Variants in NSD1 observed in about 807,000 individuals in gnomAD.
The protein encoded by NSD1 is histone-lysine N-methyltransferase, H3 lysine-36 specific.
Under a neutral mutation model 242.7 loss-of-function variants are expected in NSD1, and 26 were observed. The ratio of observed to expected loss-of-function variants is 0.11; its 90% CI spans 0.08 to 0.15. NSD1 has a LOEUF of 0.15. Among genes scored for constraint, NSD1 ranks in the 10% least tolerant of loss-of-function variants. NSD1 has a pLI of 1.00. For missense variants in NSD1, 2,495 were observed against 3,272.8 expected (o/e 0.76, Z 5.80); for synonymous variants, 1,106 against 1,178.1 (o/e 0.94, Z 1.25).
At chr5:177,257,517 C>T (rs896901325) in intron 13 of NSD1, among the ~76,000 whole-genome samples, 6 of 152,060 alleles carry the variant, frequency 3.9e-5, no homozygotes, top group African/African-American at 7.2e-5. Context: ...AGGCGTGAGC[C>T]GCTGCGCCCG....
In NSD1 at chr5:177,230,529, T is replaced by A. The variant is rs188174217; in HGVS notation, c.3797-5292T>A. Reference sequence around the variant, plus strand: ...CCAAAGGTAGAGTGGAAACAGCAATTATAAGAGGAAACGTGGCCAGGCGTG... The same window carrying A: ...CCAAAGGTAGAGTGGAAACAGCAATAATAAGAGGAAACGTGGCCAGGCGTG... On this transcript the variant is annotated intron_variant, in intron 5 of 22. Transcript: ENST00000439151. Among the ~76,000 whole-genome samples the A allele has an allele frequency of 9.2e-5, 14 of 151,944 alleles. No individual in the cohort carries two copies. The East Asian group carries it at 2.3e-3, about 25-fold the overall frequency.
intron 2 of NSD1, among the ~76,000 whole-genome samples, chr5:177,186,664 T>G (rs1156320482): frequency 1.3e-5 from 2 of 152,180 alleles, no homozygotes; most frequent in Non-Finnish European, 2.9e-5. Flanking sequence ...TGGGTTAGTT[T>G]AATATAAAGT....
At chr5:177,190,180 C>CTCCTAGGCTGGAGTGA (rs1761551618) in intron 2 of NSD1, among the ~76,000 whole-genome samples, 2 of 152,144 alleles carry the variant, frequency 1.3e-5, no homozygotes, top group Non-Finnish European at 2.9e-5. Flanking sequence ...TGATCTCAGA[C>CTCCTAGGCTGGAGTGA]TCCTAGGCTG....
At chr5:177,153,301 GCTTTC>G (rs1757876365) in intron 2 of NSD1, among the ~76,000 whole-genome samples, 1 of 151,384 alleles carries the variant, frequency 6.6e-6, no homozygotes, top group Admixed American at 6.6e-5. Context: ...TTTCTGGATG[GCTTTC>G]CAAAAGGATT....
Position 177,192,023 on chromosome 5 carries a change from A to G in NSD1, c.1063+4A>G. On this transcript the variant is annotated splice_donor_region_variant and intron_variant, in intron 3 of 22. Coordinates refer to ENST00000439151, the MANE Select transcript of NSD1 (RefSeq NM_022455.5). ...AACACACATTCAAAAATGAAAGGTA[A>G]TACTTGCAGTGATTATACATGTTAA... is the stretch of plus-strand genomic sequence containing the variant. The G allele has an allele frequency of 1.2e-6, 2 of 1,613,980 alleles. No homozygotes were observed. The highest frequency in any genetic ancestry group is 1.7e-6 in the Non-Finnish European group (2 of 1,179,886).
At chr5:177,139,543 A>G (rs1050247713) in intron 2 of NSD1, among the ~76,000 whole-genome samples, 3 of 152,168 alleles carry the variant, frequency 2.0e-5, no homozygotes, top group African/African-American at 7.2e-5. Context: ...CTATGTAGTC[A>G]TGTGATATTA....
intron 4 of NSD1, among the ~76,000 whole-genome samples, chr5:177,206,823 G>C (rs1404777588): frequency 2.0e-5 from 3 of 150,926 alleles, no homozygotes; most frequent in African/African-American, 7.3e-5. Context: ...TCTGGTCACA[G>C]TCATGAGCAT....
intron 5 of NSD1, among the ~76,000 whole-genome samples, chr5:177,227,008 A>G (rs1384100221): frequency 6.6e-6 from 1 of 152,202 alleles, no homozygotes; most frequent in Non-Finnish European, 1.5e-5. Context: ...TTACTGAGTA[A>G]ATACTATTAC....
intron 2 of NSD1, among the ~76,000 whole-genome samples, chr5:177,139,823 C>T (rs1288388286): frequency 6.6e-6 from 1 of 151,880 alleles, no homozygotes; most frequent in Non-Finnish European, 1.5e-5. Flanking sequence ...TGCCTGTAGT[C>T]CCAGCTACTC....
intron 14 of NSD1, chr5:177,265,483 G>T: frequency 1.6e-6 from 1 of 636,698 alleles, no homozygotes; most frequent in Non-Finnish European, 2.8e-6. Flanking sequence ...CTCTGGGGGA[G>T]GGAGGGAGAG....
intron 11 of NSD1, among the ~76,000 whole-genome samples, chr5:177,250,374 G>A (rs961100492): frequency 3.3e-5 from 5 of 152,338 alleles, no homozygotes; most frequent in South Asian, 2.1e-4. Flanking sequence ...ATCAGTCTTT[G>A]TGTAGGTCCC....
At chr5:177,187,542 T>C (rs1380764919) in intron 2 of NSD1, among the ~76,000 whole-genome samples, 1 of 152,206 alleles carries the variant, frequency 6.6e-6, no homozygotes. Flanking sequence ...TACCACAAAC[T>C]AGCTGGCTTA....
chr5:177,200,957 C>A (rs1033324637), intron 3 of NSD1, among the ~76,000 whole-genome samples: 1 of 150,996 alleles, frequency 6.6e-6, no homozygotes, highest in African/African-American at 2.4e-5. Context: ...TGCAATGAGG[C>A]GTGATCTTGG....
intron 2 of NSD1, among the ~76,000 whole-genome samples, chr5:177,167,285 C>T (rs1294145834): frequency 6.6e-6 from 1 of 151,314 alleles, no homozygotes; most frequent in Non-Finnish European, 1.5e-5. Context: ...ACCTGTAATC[C>T]CAGCACTTTG....
chr5:177,212,372 T>G (rs976832148), intron 5 of NSD1, among the ~76,000 whole-genome samples, 177 bp downstream of exon 5: 2 of 152,104 alleles, frequency 1.3e-5, no homozygotes, highest in Non-Finnish European at 2.9e-5. Context: ...AAGATGAGAT[T>G]TCCATATATA....
intron 17 of NSD1, among the ~76,000 whole-genome samples, chr5:177,277,370 AT>A (rs1160588625): frequency 6.6e-6 from 1 of 152,162 alleles, no homozygotes; most frequent in Non-Finnish European, 1.5e-5. Context: ...ATGCTTCTTC[AT>A]TTACATATTA....
chr5:177,266,198 C>T (rs1403073972), intron 14 of NSD1: 1 of 1,003,576 alleles, frequency 1.0e-6, no homozygotes, highest in Non-Finnish European at 1.6e-6. Context: ...AGGCAGTTAG[C>T]CCATCCACTT....
rs727504053 is a variant in NSD1, at chr5:177,210,502, G to A, written c.2103G>A (p.Lys701=). 6 of 1,614,060 alleles carry A rather than the reference G, an allele frequency of 3.7e-6. No individual in the cohort carries two copies. Among genetic ancestry groups the A allele is most frequent in the East Asian group, 2.2e-5 (1 of 44,892 alleles). The part of the protein sequence containing the change: ...ATNTRVKAKQ[K]PLISNSHTDH... Reference sequence around the variant, plus strand: ...ACACTAGGGTAAAAGCAAAACAGAAGCCTCTCATTAGTAACTCACATACAG... The same window carrying A: ...ACACTAGGGTAAAAGCAAAACAGAAACCTCTCATTAGTAACTCACATACAG... Residue 701 remains lysine (K), a synonymous_variant, in exon 5 of 23, where the codon AAG becomes AAA. Coordinates refer to ENST00000439151, the MANE Select transcript of NSD1 (RefSeq NM_022455.5).
chr5:177,142,921 C>T (rs767464958), intron 2 of NSD1, among the ~76,000 whole-genome samples: 5 of 152,116 alleles, frequency 3.3e-5, no homozygotes, highest in Non-Finnish European at 5.9e-5. Flanking sequence ...CCTTGTGTAC[C>T]CTGAGTTCAG....
Sources: gnomAD v4.1 joint callset for allele counts (sites outside exome capture counted in the v4.1 genomes callset) on GRCh38, gnomAD v4.1.1 for gene constraint, MANE v1.5 for transcripts, NCBI Gene and HGNC (gene_info 2026-07-23, HGNC 2026-07-21) for gene names.